SLC4A10: variants seen among roughly 807,000 people sequenced by gnomAD.
The protein encoded by SLC4A10 is sodium-driven chloride bicarbonate exchanger.
In SLC4A10, 42 loss-of-function variants were observed where a neutral mutation model predicts 137.7. The observed-to-expected ratio is 0.30, with a 90% CI of 0.24 to 0.39. The LOEUF is 0.39. SLC4A10 is among the 10% of genes least tolerant of loss of function. The probability of loss-of-function intolerance (pLI) is 1.00; values close to 1 mark genes in which losing one functional copy is unlikely to be tolerated. For missense variants in SLC4A10, 925 were observed against 1,355.0 expected (o/e 0.68, Z 4.98); for synonymous variants, 474 against 464.1 (o/e 1.02, Z -0.27).
At chr2:161,661,648 A>T (rs2038418133) in intron 1 of SLC4A10, among the ~76,000 whole-genome samples, 1 of 152,168 alleles carries the variant, frequency 6.6e-6, no homozygotes, top group Non-Finnish European at 1.5e-5. Context: ...GCCTGTGAAA[A>T]TGTACTGCTT....
At chr2:161,876,898 C>A (rs1012064627) in intron 8 of SLC4A10, among the ~76,000 whole-genome samples, 4 of 151,890 alleles carry the variant, frequency 2.6e-5, no homozygotes. Flanking sequence ...GAGTATAATA[C>A]AATGGCTACC....
chr2:161,937,132 T>C (rs1283760074), intron 15 of SLC4A10, among the ~76,000 whole-genome samples: 1 of 152,200 alleles, frequency 6.6e-6, no homozygotes, highest in Non-Finnish European at 1.5e-5. Context: ...AATTTCCACA[T>C]ATTTCTGCAT....
At chr2:161,694,636 C>G (rs2042314232) in intron 1 of SLC4A10, among the ~76,000 whole-genome samples, 1 of 151,940 alleles carries the variant, frequency 6.6e-6, no homozygotes, top group Non-Finnish European at 1.5e-5. Context: ...ATGTTTGAGG[C>G]TAATGGACAG....
chr2:161,766,822 T>C (rs1177262709), intron 1 of SLC4A10, among the ~76,000 whole-genome samples: 2 of 151,654 alleles, frequency 1.3e-5, no homozygotes, highest in Admixed American at 1.3e-4. Context: ...TCCTGTTTTA[T>C]TTTCATTTTT....
chr2:161,965,260 T>C (rs1358681061), intron 23 of SLC4A10, 87 bp downstream of exon 23: 2 of 1,395,990 alleles, frequency 1.4e-6, no homozygotes, highest in Non-Finnish European at 1.9e-6. Flanking sequence ...TTTTTATCTT[T>C]AGACAGTTTT....
intron 1 of SLC4A10, among the ~76,000 whole-genome samples, chr2:161,678,251 A>G (rs780755544): frequency 1.5e-4 from 23 of 152,134 alleles, no homozygotes; most frequent in Non-Finnish European, 2.5e-4. Context: ...AGAGCATTGC[A>G]TTTGAACTCA....
chr2:161,879,099 G>T, intron 8 of SLC4A10, 32 bp from the exon 9 acceptor site: 1 of 1,604,128 alleles, frequency 6.2e-7, no homozygotes, highest in South Asian at 1.1e-5. Flanking sequence ...TTCCAATTTT[G>T]ATTTATCATA....
intron 3 of SLC4A10, among the ~76,000 whole-genome samples, chr2:161,815,829 G>A (rs7591148): frequency 5.9e-5 from 9 of 152,124 alleles, no homozygotes; most frequent in Admixed American, 2.6e-4. Context: ...GAAATAAGTC[G>A]GGTGGCCCAG....
Position 161,887,323 on chromosome 2 carries a change from A to G in SLC4A10, c.1194+4879A>G, listed in dbSNP as rs7570178. Among the ~76,000 whole-genome samples, 1,102 of 152,280 alleles carry G rather than the reference A, an allele frequency of 7.2e-3. 14 individuals carry two copies. The highest frequency in any genetic ancestry group is 0.024 in the African/African-American group (998 of 41,548). On this transcript the variant is annotated intron_variant, in intron 10 of 26. Transcript: ENST00000446997. ...TAGAATGATTTAGAATTCTTCAGGT[A>G]TATACCCAGTAACGGGGTTGCTGGG...
At chr2:161,819,049 A>G (rs531919679) in intron 3 of SLC4A10, among the ~76,000 whole-genome samples, 23 of 152,320 alleles carry the variant, frequency 1.5e-4, no homozygotes, top group African/African-American at 5.5e-4. Flanking sequence ...GGCACTCTTA[A>G]AAAGTTTTAT....
intron 2 of SLC4A10, among the ~76,000 whole-genome samples, chr2:161,795,183 C>T (rs570814468): frequency 6.6e-6 from 1 of 152,226 alleles, no homozygotes; most frequent in East Asian, 1.9e-4. Flanking sequence ...ATCTTCCTTA[C>T]AGGCCTCTCT....
intron 21 of SLC4A10, among the ~76,000 whole-genome samples, chr2:161,960,977 T>C (rs1458101955): frequency 6.6e-6 from 1 of 152,226 alleles, no homozygotes; most frequent in African/African-American, 2.4e-5. Context: ...AGATTTCTAC[T>C]TAAATTGTCC....
chr2:161,939,167 C>T (rs1008796795), intron 15 of SLC4A10, among the ~76,000 whole-genome samples: 1 of 152,122 alleles, frequency 6.6e-6, no homozygotes, highest in African/African-American at 2.4e-5. Context: ...ACCTCTGTCT[C>T]CCAGGTTCAA....
At chr2:161,768,362 T>A (rs771682634) in intron 1 of SLC4A10, among the ~76,000 whole-genome samples, 1 of 151,984 alleles carries the variant, frequency 6.6e-6, no homozygotes, top group Non-Finnish European at 1.5e-5. Context: ...AGTGTCCAGT[T>A]ATTTTCCCCA....
intron 1 of SLC4A10, among the ~76,000 whole-genome samples, chr2:161,684,097 T>G (rs991553776): frequency 2.0e-5 from 3 of 152,168 alleles, no homozygotes; most frequent in African/African-American, 7.2e-5. Context: ...CTTCATGAAT[T>G]TGATGACTCT....
chr2:161,639,636 C>T (rs991052433), intron 1 of SLC4A10, among the ~76,000 whole-genome samples: 7 of 152,104 alleles, frequency 4.6e-5, no homozygotes, highest in African/African-American at 1.4e-4. Flanking sequence ...ACAATAAAGG[C>T]CATATATGGC....
chr2:161,862,706 A>G (rs2125889524), intron 5 of SLC4A10, among the ~76,000 whole-genome samples, 168 bp from the exon 6 acceptor site: 1 of 152,376 alleles, frequency 6.6e-6, no homozygotes, highest in East Asian at 1.9e-4. Flanking sequence ...ACAATGGAAG[A>G]TAAATTTCCA....
intron 6 of SLC4A10, among the ~76,000 whole-genome samples, chr2:161,867,117 A>G (rs2060808420): frequency 1.3e-5 from 2 of 151,946 alleles, no homozygotes; most frequent in African/African-American, 4.8e-5. Flanking sequence ...AGCCTGGGAC[A>G]TAAAGTTCAC....
chr2:161,693,726 GTCTT>G (rs578251589), intron 1 of SLC4A10, among the ~76,000 whole-genome samples: 4 of 99,552 alleles, frequency 4.0e-5, no homozygotes, highest in Non-Finnish European at 8.1e-5. Flanking sequence ...TACAGTATTT[GTCTT>G]TCTTTGTTTG....
Sources: allele counts gnomAD v4.1 joint callset (sites outside exome capture counted in the v4.1 genomes callset), GRCh38; gene constraint gnomAD v4.1.1; transcripts MANE v1.5; gene names NCBI Gene and HGNC (gene_info 2026-07-23, HGNC 2026-07-21).